Variants in ZNF266 observed in about 807,000 individuals in gnomAD.
ZNF266 encodes zinc finger protein 266.
ZNF266 carries 16 observed loss-of-function variants against 16.4 expected under a neutral mutation model. The observed-to-expected ratio is 0.98, with a 90% CI of 0.66 to 1.48. The LOEUF (loss-of-function observed/expected upper bound fraction) is 1.48. ZNF266 is among the 40% of genes most tolerant of loss of function. The pLI is 0.00. For synonymous variants in ZNF266, 262 were observed against 237.9 expected (o/e 1.10, Z -0.93); for missense variants, 738 against 689.1 (o/e 1.07, Z -0.79).
At chr19:9,417,536 G>A (rs2069228491) in intron 9 of ZNF266, among the ~76,000 whole-genome samples, 1 of 152,080 alleles carries the variant, frequency 6.6e-6, no homozygotes, top group Non-Finnish European at 1.5e-5. Context: ...AGACCACACT[G>A]ACCAACACGG....
intron 5 of ZNF266, among the ~76,000 whole-genome samples, chr19:9,422,147 G>T (rs116127898): frequency 0.019 from 2,319 of 123,874 alleles, 39 homozygotes; most frequent in African/African-American, 0.043. Context: ...ACTGCACCTG[G>T]CCACAACAAA....
At chr19:9,417,747 C>CAA (rs113205807) in intron 9 of ZNF266, 81 bp downstream of exon 9, 1,592 of 969,864 alleles carry the variant, frequency 1.6e-3, no homozygotes, top group Admixed American at 1.7e-3. Flanking sequence ...GACTCCATCT[C>CAA]AAAAAAAAAA....
chr19:9,432,316 G>A (rs2071735970), intron 5 of ZNF266, among the ~76,000 whole-genome samples: 1 of 152,196 alleles, frequency 6.6e-6, no homozygotes, highest in Non-Finnish European at 1.5e-5. Flanking sequence ...GCATGTATGT[G>A]TATAAACCTA....
intron 9 of ZNF266, among the ~76,000 whole-genome samples, chr19:9,415,982 C>T (rs1480319404): frequency 6.6e-6 from 1 of 152,032 alleles, no homozygotes. Flanking sequence ...TGCCACAACG[C>T]CCAGCTAATT....
intron 5 of ZNF266, 116 bp downstream of exon 5, chr19:9,433,552 G>T (rs1242498955): frequency 2.6e-5 from 4 of 152,140 alleles, no homozygotes; most frequent in Non-Finnish European, 5.9e-5. Context: ...ATTTTTCAGT[G>T]ATCAAGCACT....
chr19:9,432,565 C>T (rs908848248), intron 5 of ZNF266, among the ~76,000 whole-genome samples: 5 of 152,178 alleles, frequency 3.3e-5, no homozygotes, highest in Middle Eastern at 3.4e-3. Context: ...TACAACAAAG[C>T]GAATTTTTTC....
chr19:9,425,599 C>T (rs2070625961), intron 5 of ZNF266, among the ~76,000 whole-genome samples: 1 of 152,188 alleles, frequency 6.6e-6, no homozygotes, highest in African/African-American at 2.4e-5. Flanking sequence ...ACTACCTGGC[C>T]CACTCACATG....
Position 9,414,228 on chromosome 19 carries a change from T to C in ZNF266, c.898A>G (p.Thr300Ala), listed in dbSNP as rs778500078. ...YSAYLNIHMG[T>A]HTGDNPYECK... is the part of the protein sequence containing the mutation. Reference sequence around the variant, plus strand: ...TCATAGGGATTGTCTCCAGTGTGGGTTCCCATGTGAATATTAAGGTATGCA... The same window carrying C: ...TCATAGGGATTGTCTCCAGTGTGGGCTCCCATGTGAATATTAAGGTATGCA... Residue 300 changes from threonine (T) to alanine (A), a missense_variant, in exon 11 of 11, where the codon ACC becomes GCC. Thr to Ala is a moderately conservative substitution (Grantham distance 58). Transcript: ENST00000592904. 1 of 1,614,224 alleles carries C rather than the reference T, an allele frequency of 6.2e-7. No individual in the cohort carries two copies. Among genetic ancestry groups the C allele is most frequent in the Admixed American group, 1.7e-5 (1 of 60,030 alleles).
chr19:9,417,795 T>C (rs754788845), intron 9 of ZNF266, 33 bp downstream of exon 9: 1 of 1,586,394 alleles, frequency 6.3e-7, no homozygotes, highest in Non-Finnish European at 8.6e-7. Context: ...ATACTGAACT[T>C]ATTGACCAGG....
intron 5 of ZNF266, among the ~76,000 whole-genome samples, chr19:9,425,064 C>T (rs1331915745): frequency 6.6e-6 from 1 of 152,206 alleles, no homozygotes. Context: ...ATACAGCCTG[C>T]TTGTTCCTCA....
Position 9,417,834 on chromosome 19 carries a change from A to T in ZNF266, c.310T>A (p.Phe104Ile). 6.2e-7 allele frequency: 1 copy of T among 1,613,864 alleles called. No homozygotes were observed. Among genetic ancestry groups the T allele is most frequent in the African/African-American group, 1.3e-5 (1 of 75,040 alleles). ...EESRTVQRGD[F>I]QASEWKVQLK... Reference sequence around the variant, plus strand: ...GTCCTTTGTGAACACTCACCTTGGAAATCACCTCTCTGCACTGTCCTAGAC... The same window carrying T: ...GTCCTTTGTGAACACTCACCTTGGATATCACCTCTCTGCACTGTCCTAGAC... The change falls in exon 9 of 11, where the codon TTC becomes ATC. Residue 104 changes from phenylalanine (F) to isoleucine (I), a missense_variant. Transcript: ENST00000592904.
intron 5 of ZNF266, among the ~76,000 whole-genome samples, chr19:9,424,295 CTG>C (rs1245739882): frequency 6.7e-6 from 1 of 149,798 alleles, no homozygotes; most frequent in African/African-American, 2.4e-5. Context: ...CAAAGGGAAA[CTG>C]TGGCACTACT....
At position 9,414,098 on chromosome 19, in the gene ZNF266, G is replaced by A; in HGVS notation, c.1028C>T (p.Ala343Val). 1 of 1,614,012 alleles carries A rather than the reference G, an allele frequency of 6.2e-7. No homozygotes were observed. The highest frequency in any genetic ancestry group is 1.3e-5 in the African/African-American group (1 of 74,960). The change falls in exon 11 of 11, where the codon GCC (alanine) becomes GTC (valine). Residue 343 changes from alanine (A) to valine (V), a missense_variant. Coordinates refer to ENST00000592904, the MANE Select transcript of ZNF266 (RefSeq NM_001370374.1). ...ACTTAAGCAAGAGGAAACAGTGAAG[G>A]CTCTCCCACAATCCTTACATTTATA... ...KPYKCKDCGR[A>V]FTVSSCLSQH...
intron 5 of ZNF266, among the ~76,000 whole-genome samples, chr19:9,422,923 C>T (rs146831499): frequency 7.9e-5 from 12 of 152,226 alleles, no homozygotes; most frequent in African/African-American, 2.6e-4. Context: ...AGAGTGGTAA[C>T]AAGGAAACCT....
At chr19:9,423,334 C>T (rs541419786) in intron 5 of ZNF266, among the ~76,000 whole-genome samples, 3 of 152,316 alleles carry the variant, frequency 2.0e-5, no homozygotes, top group South Asian at 2.1e-4. Flanking sequence ...ACTCACGTTC[C>T]GGTGTGGATC....
At chr19:9,428,813 C>T (rs1221483484) in intron 5 of ZNF266, among the ~76,000 whole-genome samples, 1 of 151,804 alleles carries the variant, frequency 6.6e-6, no homozygotes, top group Non-Finnish European at 1.5e-5. Flanking sequence ...AGGCACAATA[C>T]GAGGCCTTGC....
In ZNF266 at chr19:9,414,210, G is replaced by A. The variant is rs1301785830; in HGVS notation, c.916C>T (p.Pro306Ser). ...TTCCCACACTCCTTACACTCATAGG[G>A]ATTGTCTCCAGTGTGGGTTCCCATG... ...IHMGTHTGDN[P>S]YECKECGKAF... The change falls in exon 11 of 11, where the codon CCC becomes TCC. Residue 306 changes from proline to serine, a missense_variant. By Grantham distance (74) the Pro-to-Ser change is moderately conservative. Coordinates refer to ENST00000592904, the MANE Select transcript of ZNF266 (RefSeq NM_001370374.1). 6.2e-7 allele frequency: 1 copy of A among 1,614,182 alleles called. No homozygotes were observed. The highest frequency in any genetic ancestry group is 1.7e-5 in the Admixed American group (1 of 60,012).
Position 9,414,078 on chromosome 19 carries a change from A to C in ZNF266, c.1048T>G (p.Leu350Val), listed in dbSNP as rs1208593400. 2 of 1,613,578 alleles carry C rather than the reference A, an allele frequency of 1.2e-6. No individual in the cohort carries two copies. Among genetic ancestry groups the C allele is most frequent in the Non-Finnish European group, 1.7e-6 (2 of 1,179,942 alleles). The change falls in exon 11 of 11, where the codon TTA becomes GTA. Residue 350 changes from leucine (L) to valine (V), a missense_variant. By Grantham distance (32) the Leu-to-Val change is conservative. Transcript: ENST00000592904. Reference sequence around the variant, plus strand: ...ACATGGATTTTCATATGTTGACTTAAGCAAGAGGAAACAGTGAAGGCTCTC... The same window carrying C: ...ACATGGATTTTCATATGTTGACTTACGCAAGAGGAAACAGTGAAGGCTCTC... ...CGRAFTVSSC[L>V]SQHMKIHVGE...
intron 8 of ZNF266, among the ~76,000 whole-genome samples, chr19:9,418,230 G>A (rs1011690616): frequency 6.6e-6 from 1 of 152,150 alleles, no homozygotes; most frequent in African/African-American, 2.4e-5. Context: ...ATTCATGAGA[G>A]CTTGTTAAAA....
Sources: allele counts gnomAD v4.1 joint callset (sites outside exome capture counted in the v4.1 genomes callset), GRCh38; gene constraint gnomAD v4.1.1; transcripts MANE v1.5; gene names NCBI Gene and HGNC (gene_info 2026-07-23, HGNC 2026-07-21).